The following RYR3 variants were observed in gnomAD, a reference collection of about 807,000 sequenced individuals.
The protein encoded by RYR3 is brain ryanodine receptor-calcium release channel.
A neutral mutation model predicts 584.3 loss-of-function variants in RYR3; 207 were observed. The observed-to-expected ratio is 0.35, with a 90% CI of 0.32 to 0.40. RYR3 has a LOEUF of 0.40. RYR3 is among the 10% of genes least tolerant of loss of function. RYR3 has a pLI of 1.00. For missense variants in RYR3, 5,616 were observed against 6,089.2 expected, an observed-to-expected ratio of 0.92 and a Z score of 2.59; for synonymous variants, 2,416 against 2,248.5, an observed-to-expected ratio of 1.07 and a Z score of -2.11.
rs139859421 is a variant in RYR3, at chr15:33,519,117, G to A, written c.280-11475G>A. Among the ~76,000 whole-genome samples the A allele has an allele frequency of 5.4e-3, 826 of 152,282 alleles. 13 individuals carry two copies. Among genetic ancestry groups the A allele is most frequent in the African/African-American group, 0.019 (798 of 41,550 alleles). On this transcript the variant is annotated intron_variant, in intron 3 of 103. Coordinates refer to ENST00000634891, the MANE Select transcript of RYR3 (RefSeq NM_001036.6). The stretch of plus-strand genomic sequence containing the variant: ...CCTGCAGCATCCACACCAGTGGGGA[G>A]GGAGGTCTAGAATGCATGGGGGGCA...
Position 33,857,807 on chromosome 15 carries a change from G to T in RYR3, c.14035G>T (p.Val4679Leu). The T allele has an allele frequency of 1.2e-6, 2 of 1,614,106 alleles. No individual in the cohort carries two copies. Among genetic ancestry groups the T allele is most frequent in the Non-Finnish European group, 1.7e-6 (2 of 1,179,978 alleles). Residue 4679 changes from valine to leucine, a missense_variant, in exon 99 of 104, where the codon GTG (valine) becomes TTG (leucine). Coordinates refer to ENST00000634891, the MANE Select transcript of RYR3 (RefSeq NM_001036.6). ...GGTTCTGACTGTCGGTCTCCTGGCC[G>T]TGGTGGTTTATCTCTATACTGTGGT... ...QLVLTVGLLA[V>L]VVYLYTVVAF...
chr15:33,491,700 G>A lies in RYR3; in HGVS notation c.172-11931G>A, dbSNP rs537864857. On this transcript the variant is annotated intron_variant, in intron 2 of 103. Transcript: ENST00000634891. ...ACCCTGGTTAATTACTCAGCAAAGC[G>A]GAGGAAGGGAGCTCAAGATGAAAGC... 9.1e-4 allele frequency among the ~76,000 whole-genome samples: 138 copies of A among 152,242 alleles called. 1 individual carries two copies. Among genetic ancestry groups the A allele is most frequent in the Non-Finnish European group, 1.4e-3 (97 of 68,014 alleles).
At chr15:33,788,794 A>G (rs1223689819) in intron 67 of RYR3, among the ~76,000 whole-genome samples, 1 of 152,144 alleles carries the variant, frequency 6.6e-6, no homozygotes, top group Non-Finnish European at 1.5e-5. Context: ...ATACTGCCTG[A>G]CTGTGTGTTA....
intron 2 of RYR3, among the ~76,000 whole-genome samples, chr15:33,485,835 A>C (rs1311268124): frequency 6.6e-6 from 1 of 152,266 alleles, no homozygotes; most frequent in East Asian, 1.9e-4. Context: ...TATGATAAAC[A>C]ACAAAGGGGC....
chr15:33,768,685 T>A lies in RYR3; in HGVS notation c.8733T>A (p.Val2911=). 1.2e-6 allele frequency: 2 copies of A among 1,614,030 alleles called. No homozygotes were observed. Among genetic ancestry groups the A allele is most frequent in the Non-Finnish European group, 1.7e-6 (2 of 1,179,882 alleles). The change falls in exon 61 of 104, where the codon GTT becomes GTA. Residue 2911 remains valine (V), a synonymous_variant. Transcript: ENST00000634891. ...TGTTCTGCAAACTTGCCGCTCTCGT[T>A]AGACACAGAATTTCCCTCTTTGGTA... ...AGLFCKLAAL[V]RHRISLFGSD...
chr15:33,607,972 C>T (rs1016109593), intron 18 of RYR3, among the ~76,000 whole-genome samples: 6 of 152,210 alleles, frequency 3.9e-5, no homozygotes, highest in Non-Finnish European at 8.8e-5. Flanking sequence ...AGGTAAGTTA[C>T]TTGCCCAAGG....
At chr15:33,485,053 G>A (rs1012495360) in intron 2 of RYR3, among the ~76,000 whole-genome samples, 12 of 152,084 alleles carry the variant, frequency 7.9e-5, no homozygotes, top group Admixed American at 3.3e-4. Flanking sequence ...AGAAATAAAC[G>A]ATAAGAAGGA....
At chr15:33,803,411 C>G (rs1435831135) in intron 69 of RYR3, among the ~76,000 whole-genome samples, 1 of 152,212 alleles carries the variant, frequency 6.6e-6, no homozygotes, top group Non-Finnish European at 1.5e-5. Context: ...GGACAGCTAG[C>G]TTATCTTAAG....
At chr15:33,393,524 T>G (rs2042126147) in intron 1 of RYR3, among the ~76,000 whole-genome samples, 1 of 152,084 alleles carries the variant, frequency 6.6e-6, no homozygotes, top group African/African-American at 2.4e-5. Flanking sequence ...TAGGAAGAGC[T>G]TATTATTGAT....
At chr15:33,478,492 C>G (rs905494150) in intron 2 of RYR3, among the ~76,000 whole-genome samples, 10 of 152,212 alleles carry the variant, frequency 6.6e-5, no homozygotes, top group African/African-American at 2.4e-4. Context: ...TTCTAAAATA[C>G]GTATTGATAG....
At chr15:33,680,947 A>G (rs918016077) in intron 38 of RYR3, among the ~76,000 whole-genome samples, 1 of 152,216 alleles carries the variant, frequency 6.6e-6, no homozygotes, top group Non-Finnish European at 1.5e-5. Context: ...GTGTTCTAGA[A>G]ACTGGAGACT....
At chr15:33,841,228 AG>A (rs1408802382) in intron 90 of RYR3, among the ~76,000 whole-genome samples, 5 of 152,146 alleles carry the variant, frequency 3.3e-5, no homozygotes, top group African/African-American at 4.8e-5. Context: ...AAAACAAAAA[AG>A]AAAAAAAGAA....
At chr15:33,407,148 A>T (rs1014162315) in intron 1 of RYR3, among the ~76,000 whole-genome samples, 1 of 152,202 alleles carries the variant, frequency 6.6e-6, no homozygotes, top group Non-Finnish European at 1.5e-5. Flanking sequence ...CAGCCCTTTT[A>T]TAAAGCACTA....
rs926822493 is a variant in RYR3, at chr15:33,841,222, CAAAAAAGA to C, written c.13037+351_13037+358del. Among the ~76,000 whole-genome samples the C allele has an allele frequency of 1.7e-4, 25 of 151,126 alleles. 1 individual carries two copies. Among genetic ancestry groups the C allele is most frequent in the Admixed American group, 4.6e-4 (7 of 15,184 alleles). Reference sequence around the variant, plus strand: ...GCAGAGCAAGACCCTGTCTCAAAAACAAAAAAGAAAAAAAGAAAATAAAGATAGTTATT... The same window carrying C: ...GCAGAGCAAGACCCTGTCTCAAAAACAAAAAAGAAAATAAAGATAGTTATT... On this transcript the variant is annotated intron_variant, in intron 90 of 103. Transcript: ENST00000634891.
chr15:33,655,385 CAT>C (rs1263796548), intron 32 of RYR3, among the ~76,000 whole-genome samples: 5 of 152,190 alleles, frequency 3.3e-5, no homozygotes, highest in African/African-American at 1.2e-4. Flanking sequence ...TAAAGCATCT[CAT>C]AACTTTTAAG....
rs963293903 is a variant in RYR3, at chr15:33,676,282, G to A, written c.5860+5726G>A. On this transcript the variant is annotated intron_variant, in intron 38 of 103. Coordinates refer to ENST00000634891, the MANE Select transcript of RYR3 (RefSeq NM_001036.6). ...GCAAGGAAATGGATTGTCTCCCAGAGCCTTCAGAAAGGATTGCACCTTGTC... is the reference window on the plus strand; with the variant it reads ...GCAAGGAAATGGATTGTCTCCCAGAACCTTCAGAAAGGATTGCACCTTGTC... Among the ~76,000 whole-genome samples the A allele has an allele frequency of 4.0e-5, 6 of 151,196 alleles. No individual in the cohort carries two copies. The East Asian group carries it at 1.2e-3, about 29-fold the overall frequency.
intron 2 of RYR3, among the ~76,000 whole-genome samples, chr15:33,477,879 A>G (rs1313031264): frequency 4.0e-5 from 1 of 24,788 alleles, no homozygotes; most frequent in African/African-American, 5.6e-4. Flanking sequence ...TGTCTCAAGA[A>G]AAAAAAAAAA....
At chr15:33,711,890 A>G (rs1397367303) in intron 43 of RYR3, among the ~76,000 whole-genome samples, 3 of 152,154 alleles carry the variant, frequency 2.0e-5, no homozygotes, top group East Asian at 1.9e-4. Context: ...ATTTTCAGGT[A>G]TCTTTATAGC....
intron 27 of RYR3, among the ~76,000 whole-genome samples, chr15:33,640,070 A>G (rs1187064093): frequency 6.6e-6 from 1 of 152,112 alleles, no homozygotes; most frequent in Non-Finnish European, 1.5e-5. Flanking sequence ...GCCTCTTGCT[A>G]CAGCTTTGGT....
Sources: allele counts gnomAD v4.1 joint callset (sites outside exome capture counted in the v4.1 genomes callset), GRCh38; gene constraint gnomAD v4.1.1; transcripts MANE v1.5; gene names NCBI Gene and HGNC (gene_info 2026-07-23, HGNC 2026-07-21).